The following ATP10B variants were observed in gnomAD, a reference collection of about 807,000 sequenced individuals.
ATP10B encodes phospholipid-transporting ATPase VB.
A neutral mutation model predicts 141.2 loss-of-function variants in ATP10B; 122 were observed. The observed-to-expected ratio is 0.86, with a 90% confidence interval of 0.75 to 1.00. ATP10B has a LOEUF of 1.00. Among genes scored for constraint, ATP10B ranks in the 50% least tolerant of loss-of-function variants. ATP10B has a pLI of 0.00. For missense variants in ATP10B, 1,876 were observed against 1,825.3 expected, an observed-to-expected ratio of 1.03 and a Z score of -0.51; for synonymous variants, 685 against 692.0, an observed-to-expected ratio of 0.99 and a Z score of 0.16.
At chr5:160,574,695 T>C (rs1755080740) in intron 24 of ATP10B, among the ~76,000 whole-genome samples, 1 of 152,146 alleles carries the variant, frequency 6.6e-6, no homozygotes, top group African/African-American at 2.4e-5. Flanking sequence ...GATGCCCTTA[T>C]AAAAGAGGAT....
At chr5:160,755,826 AAAAAAAAAAAAAATATATAT>A (rs1768511715) in intron 2 of ATP10B, among the ~76,000 whole-genome samples, 2 of 68,614 alleles carry the variant, frequency 2.9e-5, no homozygotes, top group South Asian at 4.5e-4. Flanking sequence ...AAAAAAAAAA[AAAAAAAAAAAAAATATATAT>A]ATATATATAT....
At chr5:160,797,250 A>T (rs971882826) in intron 1 of ATP10B, among the ~76,000 whole-genome samples, 1 of 152,170 alleles carries the variant, frequency 6.6e-6, no homozygotes, top group African/African-American at 2.4e-5. Flanking sequence ...GCCCACAGAT[A>T]CAGCAAGGGC....
intron 1 of ATP10B, among the ~76,000 whole-genome samples, chr5:160,799,244 C>T (rs1005706871): frequency 1.3e-5 from 2 of 152,198 alleles, no homozygotes; most frequent in Non-Finnish European, 2.9e-5. Context: ...CAGTGTCCTC[C>T]ACCATGTAAC....
At chr5:160,622,701 T>A (rs934331371) in intron 13 of ATP10B, 116 bp from the exon 14 acceptor site, 2 of 973,724 alleles carry the variant, frequency 2.1e-6, no homozygotes, top group Non-Finnish European at 3.0e-6. Flanking sequence ...GCATCCAGCA[T>A]GTTTTCCTCT....
intron 1 of ATP10B, among the ~76,000 whole-genome samples, chr5:160,846,140 C>T (rs1776102497): frequency 6.6e-6 from 1 of 151,882 alleles, no homozygotes; most frequent in South Asian, 2.1e-4. Context: ...AGTGTCAGTC[C>T]ACAAACTGTT....
In ATP10B at chr5:160,576,032, C is replaced by T. The variant is rs376628566; in HGVS notation, c.3751-6349G>A. The stretch of plus-strand genomic sequence containing the variant: ...CAAACAACTGGCTCAGCAACCACAG[C>T]GGAAAGACTGCTCCTGCTTTCCAAC... On this transcript the variant is annotated intron_variant, in intron 24 of 25. Coordinates refer to ENST00000327245, the MANE Select transcript of ATP10B (RefSeq NM_025153.3). 2.6e-4 allele frequency among the ~76,000 whole-genome samples: 39 copies of T among 152,278 alleles called. 2 individuals are homozygous for T. The highest frequency in any genetic ancestry group is 9.8e-4 in the Admixed American group (15 of 15,298).
At chr5:160,793,549 T>TA (rs1462064110) in intron 1 of ATP10B, among the ~76,000 whole-genome samples, 2 of 152,216 alleles carry the variant, frequency 1.3e-5, no homozygotes, top group African/African-American at 4.8e-5. Flanking sequence ...GGTAGTCCTG[T>TA]AAGGTTACAA....
At chr5:160,715,511 G>C (rs368000278) in intron 3 of ATP10B, among the ~76,000 whole-genome samples, 2 of 144,588 alleles carry the variant, frequency 1.4e-5, no homozygotes, top group Non-Finnish European at 3.0e-5. Flanking sequence ...TGCGCCCACT[G>C]TCTGGCACTC....
the ATP10B span, among the ~76,000 whole-genome samples, chr5:160,924,870 C>G: frequency 6.6e-6 from 1 of 152,164 alleles, no homozygotes; most frequent in Non-Finnish European, 1.5e-5. Flanking sequence ...AACAGTAGCT[C>G]CACTGATTGC....
chr5:160,730,129 G>A (rs896762327), intron 2 of ATP10B, among the ~76,000 whole-genome samples: 3 of 151,700 alleles, frequency 2.0e-5, no homozygotes, highest in African/African-American at 7.3e-5. Context: ...CACTATGCAC[G>A]ATGATTTATA....
chr5:160,588,724 C>G (rs1756077430), intron 24 of ATP10B, among the ~76,000 whole-genome samples: 1 of 152,084 alleles, frequency 6.6e-6, no homozygotes, highest in Admixed American at 6.5e-5. Context: ...ACAAAGGGCT[C>G]TAGAGGTTAA....
intron 8 of ATP10B, among the ~76,000 whole-genome samples, chr5:160,647,873 A>C (rs147981836): frequency 2.0e-5 from 3 of 152,024 alleles, no homozygotes; most frequent in East Asian, 1.9e-4. Context: ...TATTCTTCTT[A>C]TTGTTTCTCC....
chr5:160,854,134 A>G (rs1391980293), upstream of ATP10B, among the ~76,000 whole-genome samples: 1 of 152,106 alleles, frequency 6.6e-6, no homozygotes, highest in Admixed American at 6.6e-5. Flanking sequence ...GGATTTCATA[A>G]TCTTAAGACT....
chr5:160,693,378 G>C (rs761928894), intron 3 of ATP10B, among the ~76,000 whole-genome samples: 3 of 133,580 alleles, frequency 2.2e-5, no homozygotes, highest in Non-Finnish European at 3.1e-5. Context: ...AGAGGTAAAG[G>C]GCAAGATGTT....
chr5:160,762,330 C>T (rs1432679913), intron 2 of ATP10B, among the ~76,000 whole-genome samples: 1 of 152,104 alleles, frequency 6.6e-6, no homozygotes, highest in African/African-American at 2.4e-5. Flanking sequence ...ACCAGGAAAC[C>T]TATAAAGAAC....
chr5:160,927,658 C>A, the ATP10B span, among the ~76,000 whole-genome samples: 2 of 152,180 alleles, frequency 1.3e-5, no homozygotes, highest in Non-Finnish European at 2.9e-5. Context: ...ATTGACTCAG[C>A]AAGCATTAGG....
intron 2 of ATP10B, among the ~76,000 whole-genome samples, chr5:160,750,428 C>T (rs906561201): frequency 2.0e-5 from 3 of 152,200 alleles, no homozygotes; most frequent in African/African-American, 7.2e-5. Context: ...ACTCAGTCAT[C>T]CAGCAACATG....
intron 2 of ATP10B, among the ~76,000 whole-genome samples, chr5:160,756,145 T>C (rs1246840018): frequency 2.0e-5 from 2 of 98,470 alleles, no homozygotes; most frequent in African/African-American, 4.2e-5. Flanking sequence ...TTGCATTATG[T>C]ATTTTTTTTT....
intron 24 of ATP10B, 37 bp downstream of exon 24, chr5:160,589,555 C>G (rs201837642): frequency 1.3e-6 from 2 of 1,503,608 alleles, no homozygotes; most frequent in Non-Finnish European, 1.9e-6. Context: ...TGGGCAGGAG[C>G]ACAGTTTTGA....
Sources: allele counts gnomAD v4.1 joint callset (sites outside exome capture counted in the v4.1 genomes callset), GRCh38; gene constraint gnomAD v4.1.1; transcripts MANE v1.5; gene names NCBI Gene and HGNC (gene_info 2026-07-23, HGNC 2026-07-21).